The following CSMD1 variants were observed in gnomAD, a reference collection of about 807,000 sequenced individuals.
CSMD1 encodes CUB and Sushi multiple domains 1.
Under a neutral mutation model 417.5 loss-of-function variants are expected in CSMD1, and 213 were observed. That is an observed-to-expected ratio of 0.51 (90% CI 0.46 to 0.57). The LOEUF is 0.57. CSMD1 is among the 20% of genes least tolerant of loss of function. The probability of loss-of-function intolerance (pLI) is 0.00; values close to 1 mark genes in which losing one functional copy is unlikely to be tolerated. For synonymous variants in CSMD1, 2,862 were observed against 1,736.8 expected, an observed-to-expected ratio of 1.65 and a Z score of -16.11; for missense variants, 6,923 against 4,529.7, an observed-to-expected ratio of 1.53 and a Z score of -15.17.
At chr8:3,189,090 G>C (rs1796263480) in intron 34 of CSMD1, 79 bp from the exon 35 acceptor site, 2 of 1,355,632 alleles carry the variant, frequency 1.5e-6, no homozygotes, top group Middle Eastern at 3.8e-4. Flanking sequence ...CTTTCACTGT[G>C]TGACCACACA....
At position 4,419,987 on chromosome 8, in the gene CSMD1, A is replaced by T. The variant is rs1403394276; in HGVS notation, c.381T>A (p.Ala127=). The change falls in exon 3 of 70, where the codon GCT becomes GCA. Residue 127 remains alanine, a synonymous_variant. Coordinates refer to ENST00000635120, the MANE Select transcript of CSMD1 (RefSeq NM_033225.6). ...ILTLWFTTDF[A]VSAQGFKALY... ...ATGCTTTGAAACCTTGGGCACTCAC[A>T]GCGAAGTCTGTCGTGAACCACAGAG... 6.3e-7 allele frequency: 1 copy of T among 1,588,290 alleles called. No homozygotes were observed. Among genetic ancestry groups the T allele is most frequent in the Non-Finnish European group, 8.6e-7 (1 of 1,166,284 alleles).
intron 5 of CSMD1, among the ~76,000 whole-genome samples, chr8:3,784,880 T>C (rs1393759868): frequency 6.6e-6 from 1 of 152,236 alleles, no homozygotes; most frequent in Non-Finnish European, 1.5e-5. Context: ...TAACATTTGC[T>C]TAAAATTGTA....
intron 1 of CSMD1, among the ~76,000 whole-genome samples, chr8:4,673,721 C>G (rs1467231049): frequency 6.6e-6 from 1 of 152,146 alleles, no homozygotes; most frequent in Admixed American, 6.5e-5. Context: ...TCAATTAAAT[C>G]TTGACGACAT....
At chr8:4,069,349 T>A (rs533977277) in intron 3 of CSMD1, among the ~76,000 whole-genome samples, 6 of 152,352 alleles carry the variant, frequency 3.9e-5, no homozygotes, top group Admixed American at 6.5e-5. Context: ...TATCTACAGG[T>A]AGTTGAACCA....
At chr8:4,073,210 T>C (rs1442251135) in intron 3 of CSMD1, among the ~76,000 whole-genome samples, 2 of 152,114 alleles carry the variant, frequency 1.3e-5, no homozygotes, top group Non-Finnish European at 2.9e-5. Flanking sequence ...AACAATAACT[T>C]GTTTTTAAAA....
chr8:4,831,765 T>C (rs1410227556), intron 1 of CSMD1, among the ~76,000 whole-genome samples: 2 of 152,280 alleles, frequency 1.3e-5, no homozygotes, highest in African/African-American at 4.8e-5. Flanking sequence ...TTCCTACAAC[T>C]TTAGGGAGAT....
rs112259699 is a variant in CSMD1, at chr8:4,427,254, C to T, written c.303-7189G>A. ...CGCCGTGCCCTGAATGGTCCTCAGTCCAAGAGATCACTTGAGTTATGTGGC... is the reference window on the plus strand; with the variant it reads ...CGCCGTGCCCTGAATGGTCCTCAGTTCAAGAGATCACTTGAGTTATGTGGC... On this transcript the variant is annotated intron_variant, in intron 2 of 69. Transcript: ENST00000635120. Among the ~76,000 whole-genome samples the T allele has an allele frequency of 3.3e-5, 5 of 152,260 alleles. No individual in the cohort carries two copies. In the East Asian group the frequency reaches 9.7e-4, roughly 29 times the overall value.
chr8:3,674,717 T>C (rs779892602), intron 7 of CSMD1, among the ~76,000 whole-genome samples: 1 of 152,124 alleles, frequency 6.6e-6, no homozygotes, highest in Non-Finnish European at 1.5e-5. Flanking sequence ...GCCCCAGTCT[T>C]GCTGATTCCA....
intron 3 of CSMD1, among the ~76,000 whole-genome samples, chr8:4,229,995 T>A (rs1801613980): frequency 6.6e-6 from 1 of 152,204 alleles, no homozygotes; most frequent in Non-Finnish European, 1.5e-5. Flanking sequence ...CTTAAGTCTG[T>A]AATAAATGCA....
chr8:4,945,657 G>C (rs143616937), intron 1 of CSMD1, among the ~76,000 whole-genome samples: 4 of 152,068 alleles, frequency 2.6e-5, no homozygotes, highest in African/African-American at 9.7e-5. Flanking sequence ...AATTAGTTTT[G>C]GGAAAGGAGA....
chr8:4,479,502 T>A (rs1800974833), intron 2 of CSMD1, among the ~76,000 whole-genome samples: 1 of 152,184 alleles, frequency 6.6e-6, no homozygotes, highest in Non-Finnish European at 1.5e-5. Context: ...TTCTCAGTAG[T>A]TTCATAAATA....
At chr8:3,108,581 A>G (rs976525280) in intron 44 of CSMD1, 22 bp downstream of exon 44, 1 of 1,612,276 alleles carries the variant, frequency 6.2e-7, no homozygotes, top group African/African-American at 1.3e-5. Context: ...AGTCTTAACT[A>G]ACGGAGTGAA....
intron 1 of CSMD1, among the ~76,000 whole-genome samples, chr8:4,721,119 AC>A (rs1430217746): frequency 2.6e-5 from 4 of 152,208 alleles, no homozygotes; most frequent in Admixed American, 1.3e-4. Flanking sequence ...TTGGAAACTT[AC>A]AAATGCAACT....
At chr8:4,783,567 G>A (rs892000226) in intron 1 of CSMD1, among the ~76,000 whole-genome samples, 1 of 152,226 alleles carries the variant, frequency 6.6e-6, no homozygotes, top group Non-Finnish European at 1.5e-5. Context: ...GGAAAACCTA[G>A]CTGTGAGTTG....
chr8:3,671,192 A>T (rs1485145198), intron 7 of CSMD1, among the ~76,000 whole-genome samples: 2 of 147,856 alleles, frequency 1.4e-5, no homozygotes, highest in African/African-American at 2.5e-5. Context: ...TGGTATATAT[A>T]GGTATATGGG....
chr8:4,098,269 G>A (rs1288836771), intron 3 of CSMD1, among the ~76,000 whole-genome samples: 1 of 151,978 alleles, frequency 6.6e-6, no homozygotes, highest in African/African-American at 2.4e-5. Flanking sequence ...CAGATGTAAT[G>A]GCATCAGAAC....
chr8:4,162,335 GA>G (rs1265735721), intron 3 of CSMD1, among the ~76,000 whole-genome samples: 1 of 152,118 alleles, frequency 6.6e-6, no homozygotes, highest in East Asian at 1.9e-4. Context: ...TACTACAAAA[GA>G]AAAGTGCTTG....
intron 3 of CSMD1, among the ~76,000 whole-genome samples, chr8:4,191,470 A>T (rs1398977830): frequency 1.3e-5 from 2 of 152,128 alleles, no homozygotes; most frequent in Admixed American, 6.5e-5. Context: ...ACAAGATAGA[A>T]CTAAAAGCAT....
intron 7 of CSMD1, among the ~76,000 whole-genome samples, chr8:3,687,583 T>C (rs1475556480): frequency 2.0e-5 from 3 of 152,248 alleles, no homozygotes; most frequent in Non-Finnish European, 4.4e-5. Flanking sequence ...TTCAATGAAC[T>C]GCTCTTGTAG....
Sources: gnomAD v4.1 joint callset for allele counts (sites outside exome capture counted in the v4.1 genomes callset) on GRCh38, gnomAD v4.1.1 for gene constraint, MANE v1.5 for transcripts, NCBI Gene and HGNC (gene_info 2026-07-23, HGNC 2026-07-21) for gene names.